CMTM4: variants seen among roughly 807,000 people sequenced by gnomAD.
CMTM4 encodes the protein CKLF like MARVEL transmembrane domain containing 4.
Under a neutral mutation model 19.0 loss-of-function variants are expected in CMTM4, and 8 were observed. The ratio of observed to expected loss-of-function variants is 0.42; its 90% CI spans 0.25 to 0.76. The LOEUF is 0.76. Ranked by LOEUF, CMTM4 falls within the 30% of genes least tolerant of loss-of-function variation. The pLI, the probability that CMTM4 is intolerant of heterozygous loss-of-function variation, is 0.27. For synonymous variants in CMTM4, 106 were observed against 121.1 expected (o/e 0.88, Z 0.82); for missense variants, 228 against 290.2 (o/e 0.79, Z 1.56).
chr16:66,693,283 G>A (rs898671474), intron 1 of CMTM4, among the ~76,000 whole-genome samples: 3 of 151,872 alleles, frequency 2.0e-5, no homozygotes, highest in African/African-American at 7.3e-5. Flanking sequence ...ATCTTGCTAC[G>A]TTGCCCAAGC....
the CMTM4 span, among the ~76,000 whole-genome samples, chr16:66,607,922 G>A: frequency 1.3e-5 from 2 of 151,774 alleles, no homozygotes; most frequent in Non-Finnish European, 2.9e-5. Flanking sequence ...ACAGCTCACT[G>A]CAGCCTCGAC....
At chr16:66,674,836 G>A (rs1160806160) in intron 1 of CMTM4, among the ~76,000 whole-genome samples, 4 of 148,172 alleles carry the variant, frequency 2.7e-5, no homozygotes, top group African/African-American at 1.0e-4. Flanking sequence ...CCACCTCCCG[G>A]GTTCAAGCAA....
intron 1 of CMTM4, among the ~76,000 whole-genome samples, chr16:66,665,290 T>A (rs923138082): frequency 1.5e-4 from 21 of 139,832 alleles, no homozygotes; most frequent in African/African-American, 5.1e-4. Context: ...AAAAAAAAAA[T>A]TTAATTAATT....
At chr16:66,640,539 T>TC (rs2016080538) in intron 1 of CMTM4, among the ~76,000 whole-genome samples, 1 of 152,090 alleles carries the variant, frequency 6.6e-6, no homozygotes, top group Admixed American at 6.5e-5. Flanking sequence ...GCTCTCACTC[T>TC]GAGTGTGATG....
intron 3 of CMTM4, 38 bp downstream of exon 3, chr16:66,623,366 C>A: frequency 6.6e-7 from 1 of 1,517,236 alleles, no homozygotes; most frequent in South Asian, 1.1e-5. Context: ...ACAGGAGGTC[C>A]CCAGATCAGC....
At chr16:66,609,716 A>G in the CMTM4 span, 2 of 1,553,744 alleles carry the variant, frequency 1.3e-6, no homozygotes, top group Non-Finnish European at 1.7e-6. The surrounding 1 kb of genome is among the most constrained non-coding windows in gnomAD (Gnocchi z 4.4). Context: ...GCTGTTTGTC[A>G]AACCAAGTTC....
At chr16:66,676,266 T>C (rs946170500) in intron 1 of CMTM4, among the ~76,000 whole-genome samples, 2 of 152,196 alleles carry the variant, frequency 1.3e-5, no homozygotes, top group African/African-American at 2.4e-5. Context: ...AAAGAGTTGA[T>C]GTGTCATATA....
intron 1 of CMTM4, among the ~76,000 whole-genome samples, chr16:66,681,435 G>C (rs2016912358): frequency 6.6e-6 from 1 of 151,688 alleles, no homozygotes; most frequent in South Asian, 2.1e-4. Flanking sequence ...TCCTGCCTCA[G>C]CCTCCCAAGT....
Position 66,622,049 on chromosome 16 carries a change from G to A in CMTM4, c.*9C>T. 1 of 1,560,042 alleles carries A rather than the reference G, an allele frequency of 6.4e-7. No homozygotes were observed. Among genetic ancestry groups the A allele is most frequent in the Non-Finnish European group, 8.7e-7 (1 of 1,150,710 alleles). ...CGAGGACGGGAGGGAGGAGGATCCAGGCAGGTCCTCACGTGTCCAGGCGCT... is the reference window on the plus strand; with the variant it reads ...CGAGGACGGGAGGGAGGAGGATCCAAGCAGGTCCTCACGTGTCCAGGCGCT... On this transcript the variant is annotated 3_prime_UTR_variant, in exon 4 of 4. Coordinates refer to ENST00000394106, the MANE Select transcript of CMTM4 (RefSeq NM_181521.3). The surrounding 1 kb of genome is among the most constrained non-coding windows in gnomAD (Gnocchi z 4.0).
At chr16:66,609,487 C>T in the CMTM4 span, 33 of 1,611,476 alleles carry the variant, frequency 2.0e-5, no homozygotes, top group South Asian at 2.4e-4. This position sits in a 1 kb window ranked among gnomAD's most constrained non-coding sequence, Gnocchi z 4.4. Context: ...ATCTCCATCA[C>T]GGCCATCGCC....
At chr16:66,667,591 T>C (rs1031573824) in intron 1 of CMTM4, among the ~76,000 whole-genome samples, 1 of 152,056 alleles carries the variant, frequency 6.6e-6, no homozygotes, top group African/African-American at 2.4e-5. Flanking sequence ...CTTTACAAAG[T>C]TTAAAAAAGA....
intron 1 of CMTM4, among the ~76,000 whole-genome samples, chr16:66,695,504 C>T (rs1390727334): frequency 6.6e-6 from 1 of 152,190 alleles, no homozygotes; most frequent in Non-Finnish European, 1.5e-5. Flanking sequence ...CAGAGCTAAG[C>T]AATTGCCCGC....
At chr16:66,612,563 G>A (rs372305716), downstream of CMTM4, 273 of 1,607,660 alleles carry the variant, frequency 1.7e-4, no homozygotes, top group African/African-American at 4.3e-4. The surrounding 1 kb of genome is among the most constrained non-coding windows in gnomAD (Gnocchi z 6.0). Flanking sequence ...CCCAGGCACC[G>A]CTGCCCTGAG....
Position 66,672,815 on chromosome 16 carries a change from C to T in CMTM4, c.186+23525G>A, listed in dbSNP as rs144879519. On this transcript the variant is annotated intron_variant, in intron 1 of 3. Transcript: ENST00000394106. ...TTTTTTTTTGTATTTTTAGTAGAGA[C>T]GGAGTTTCATATGTCGGCCAGGCTA... Among the ~76,000 whole-genome samples, 1,328 of 145,350 alleles carry T rather than the reference C, an allele frequency of 9.1e-3. 16 individuals are homozygous for T. Among genetic ancestry groups the T allele is most frequent in the African/African-American group, 0.032 (1,268 of 39,320 alleles).
At chr16:66,632,412 C>T (rs2015891422) in intron 2 of CMTM4, among the ~76,000 whole-genome samples, 1 of 152,184 alleles carries the variant, frequency 6.6e-6, no homozygotes, top group Non-Finnish European at 1.5e-5. Context: ...GGAAAATACA[C>T]ATGGGAAGCT....
Position 66,621,864 on chromosome 16 carries a change from T to C in CMTM4, c.*194A>G, listed in dbSNP as rs1233207459. ...CCGGCTGCTCCACAGCCCCAAACGC[T>C]GAGGAACGTGGGCCTCCCAACTCCA... On this transcript the variant is annotated 3_prime_UTR_variant, in exon 4 of 4. Transcript: ENST00000394106. 7.1e-7 allele frequency: 1 copy of C among 1,417,982 alleles called. No individual in the cohort carries two copies. Among genetic ancestry groups the C allele is most frequent in the African/African-American group, 1.4e-5 (1 of 69,518 alleles). The allele number at this position is 1,417,982 out of a possible 1,614,324, so 87.8% of individuals were successfully genotyped here. A position where few individuals can be genotyped will look rare whatever the true frequency, so the allele number is the denominator to read the frequency against.
At chr16:66,668,251 C>T (rs969314064) in intron 1 of CMTM4, among the ~76,000 whole-genome samples, 1 of 151,660 alleles carries the variant, frequency 6.6e-6, no homozygotes, top group African/African-American at 2.4e-5. Flanking sequence ...TCAAGTGATC[C>T]TCCCACCTCA....
At chr16:66,606,920 G>T in the CMTM4 span, among the ~76,000 whole-genome samples, 1 of 152,212 alleles carries the variant, frequency 6.6e-6, no homozygotes, top group Non-Finnish European at 1.5e-5. Context: ...CTTGAACCCC[G>T]GAGGTGGAGG....
chr16:66,612,552 TC>T, downstream of CMTM4: 1 of 1,588,590 alleles, frequency 6.3e-7, no homozygotes, highest in Non-Finnish European at 8.6e-7. This position sits in a 1 kb window ranked among gnomAD's most constrained non-coding sequence, Gnocchi z 6.0. Context: ...CAGAGACCGT[TC>T]CCAGGCACCG....
Sources: gnomAD v4.1 joint callset for allele counts (sites outside exome capture counted in the v4.1 genomes callset) on GRCh38, gnomAD v4.1.1 for gene constraint, Gnocchi (gnomAD v3.1) non-coding constraint, MANE v1.5 for transcripts, NCBI Gene and HGNC (gene_info 2026-07-23, HGNC 2026-07-21) for gene names.